ZNF846: variants seen among roughly 807,000 people sequenced by gnomAD.
The protein encoded by ZNF846 is zinc finger protein 846.
Under a neutral mutation model 16.0 loss-of-function variants are expected in ZNF846, and 15 were observed. The observed-to-expected ratio is 0.94, with a 90% CI of 0.63 to 1.45. ZNF846 has a LOEUF of 1.45. Among genes scored for constraint, ZNF846 ranks in the 40% most tolerant of loss-of-function variants. The pLI is 0.00. For synonymous variants in ZNF846, 229 were observed against 212.0 expected (o/e 1.08, Z -0.70); for missense variants, 714 against 622.3 (o/e 1.15, Z -1.57).
rs1169041527 is a variant in ZNF846, at chr19:9,768,282, G to C, written c.-86+7C>G. ...CAGCCAGATCATCTCCTCCGTCCAG[G>C]GCTCACCGGAACGCACTGCAATCGC... On this transcript the variant is annotated splice_region_variant and intron_variant, in intron 1 of 5. Transcript: ENST00000397902. 1 of 152,190 alleles carries C rather than the reference G, an allele frequency of 6.6e-6. No individual in the cohort carries two copies. Among genetic ancestry groups the C allele is most frequent in the Non-Finnish European group, 1.5e-5 (1 of 68,056 alleles). 9.4% of individuals were successfully genotyped at this position (152,190 alleles called of 1,614,324 possible).
exon 6 of ZNF846, chr19:9,758,740 G>A (rs1048827879): frequency 6.3e-7 from 1 of 1,580,944 alleles, no homozygotes; most frequent in Non-Finnish European, 8.6e-7. Context: ...GAGTCATACA[G>A]TTTCTCTGCA....
At chr19:9,766,295 T>C (rs1292270868) in intron 1 of ZNF846, among the ~76,000 whole-genome samples, 1 of 150,578 alleles carries the variant, frequency 6.6e-6, no homozygotes, top group East Asian at 2.0e-4. Context: ...ACACCTGTAA[T>C]CCCAGCTACT....
intron 2 of ZNF846, among the ~76,000 whole-genome samples, chr19:9,763,818 T>C (rs1568324625): frequency 1.3e-5 from 2 of 152,212 alleles, no homozygotes; most frequent in Non-Finnish European, 2.9e-5. Flanking sequence ...CCAACAAGCA[T>C]GATTGAGGAT....
In ZNF846 at chr19:9,759,081, C is replaced by T. The variant is rs10422493; in HGVS notation, c.313-317G>A. 8.6e-3 allele frequency among the ~76,000 whole-genome samples: 1,308 copies of T among 151,892 alleles called. 68 individuals carry two copies. The highest frequency in any genetic ancestry group is 0.031 in the African/African-American group (1,267 of 41,144). ...TGGCACGATCTTGACTCACAGCAAT[C>T]TCTGCCTCCCAGTTCAAGGGATTCT... On this transcript the variant is annotated intron_variant, in intron 5 of 5. Coordinates refer to ENST00000397902, the Ensembl canonical transcript of ZNF846.
In ZNF846 at chr19:9,758,542, A is replaced by T. The variant is rs769570996; in HGVS notation, c.535T>A (p.Phe179Ile). 1.9e-6 allele frequency: 3 copies of T among 1,613,108 alleles called. No homozygotes were observed. In the African/African-American group the frequency reaches 4.0e-5, roughly 22 times the overall value. Residue 179 changes from phenylalanine to isoleucine, a missense_variant, in exon 6 of 6, where the codon TTC becomes ATC. By Grantham distance (21) the Phe-to-Ile change is conservative. Transcript: ENST00000397902. ...CTAGTAAGATTTGGAAACTGGTTGA[A>T]GGCTTTTTCATGTTTAACACACTTA...
chr19:9,782,562 C>T (rs2045512734), intron 1 of ZNF846, among the ~76,000 whole-genome samples: 1 of 152,148 alleles, frequency 6.6e-6, no homozygotes, highest in Admixed American at 6.5e-5. Flanking sequence ...CATGCCCAGC[C>T]AGCTTTCTCT....
chr19:9,767,727 G>T (rs761380104), intron 1 of ZNF846, among the ~76,000 whole-genome samples: 31 of 152,090 alleles, frequency 2.0e-4, no homozygotes, highest in Non-Finnish European at 1.8e-4. Flanking sequence ...ACGAGGTCAG[G>T]AGTTCGAGAC....
Position 9,764,919 on chromosome 19 carries a change from G to T in ZNF846, c.15+17C>A, listed in dbSNP as rs1298556315. On this transcript the variant is annotated intron_variant, in intron 2 of 5. Coordinates refer to ENST00000397902, the Ensembl canonical transcript of ZNF846. Reference sequence around the variant, plus strand: ...TACAAGCATAACATTTTGAAGTTAGGTCTGCTTTCCACTTGCCTGAGAAGA... The same window carrying T: ...TACAAGCATAACATTTTGAAGTTAGTTCTGCTTTCCACTTGCCTGAGAAGA... 20 of 1,613,866 alleles carry T rather than the reference G, an allele frequency of 1.2e-5. No homozygotes were observed. The highest frequency in any genetic ancestry group is 6.7e-5 in the Admixed American group (4 of 59,988).
chr19:9,756,964 G>C (rs1042742077), downstream of ZNF846: 11 of 151,902 alleles, frequency 7.2e-5, no homozygotes, highest in African/African-American at 2.4e-4. Flanking sequence ...GGAAGGCCAA[G>C]GCGGGCAGAT....
At chr19:9,751,219 A>C (rs1446797114), downstream of ZNF846, among the ~76,000 whole-genome samples, 1 of 151,930 alleles carries the variant, frequency 6.6e-6, no homozygotes, top group Non-Finnish European at 1.5e-5. Context: ...ACAAACCCAC[A>C]ATATCACCCC....
chr19:9,765,245 C>A (rs907343479), intron 1 of ZNF846, among the ~76,000 whole-genome samples: 1 of 152,114 alleles, frequency 6.6e-6, no homozygotes. Context: ...TGTGGTGGTG[C>A]ATGCCTGTAA....
chr19:9,752,384 G>A, exon 6 of ZNF846: 1 of 323,988 alleles, frequency 3.1e-6, no homozygotes, highest in Non-Finnish European at 6.4e-6. Flanking sequence ...AAGGTGGGTG[G>A]ATCACCTGAA....
At chr19:9,775,060 C>A in intron 1 of ZNF846, 1 of 1,026,442 alleles carries the variant, frequency 9.7e-7, no homozygotes, top group Non-Finnish European at 1.4e-6. Context: ...ACACGTGCCA[C>A]CGCCTGACAT....
At chr19:9,784,639 A>G (rs1189064180) in intron 1 of ZNF846, among the ~76,000 whole-genome samples, 1 of 152,088 alleles carries the variant, frequency 6.6e-6, no homozygotes, top group Non-Finnish European at 1.5e-5. Flanking sequence ...GCTGGGGGAC[A>G]GTAAGGTCTT....
At position 9,767,703 on chromosome 19, in the gene ZNF846, G is replaced by A. The variant is rs1013234780; in HGVS notation, c.-86+586C>T. 2.0e-5 allele frequency among the ~76,000 whole-genome samples: 3 copies of A among 152,084 alleles called. No individual in the cohort carries two copies. In the East Asian group the frequency reaches 5.8e-4, roughly 29 times the overall value. ...TGTAATTCCAGCACTTTGGGAGTCCGAGGAGGGTGGATCACGAGGTCAGGA... is the reference window on the plus strand; with the variant it reads ...TGTAATTCCAGCACTTTGGGAGTCCAAGGAGGGTGGATCACGAGGTCAGGA... On this transcript the variant is annotated intron_variant, in intron 1 of 5. Coordinates refer to ENST00000397902, the Ensembl canonical transcript of ZNF846.
chr19:9,764,830 C>A, intron 2 of ZNF846, 106 bp downstream of exon 2: 3 of 1,344,210 alleles, frequency 2.2e-6, no homozygotes, highest in Non-Finnish European at 3.2e-6. Flanking sequence ...ATTTCCTGAG[C>A]AGGACCATCA....
At chr19:9,765,033 G>T in exon 2 of ZNF846, 1 of 1,507,006 alleles carries the variant, frequency 6.6e-7, no homozygotes, top group South Asian at 1.1e-5. Flanking sequence ...TGGAAAAAAT[G>T]ACCTTTGGAA....
At chr19:9,759,793 A>G in intron 5 of ZNF846, 67 bp downstream of exon 5, 1 of 1,261,394 alleles carries the variant, frequency 7.9e-7, no homozygotes, top group Non-Finnish European at 1.1e-6. Flanking sequence ...CATTTTCCTC[A>G]TATAATTTTC....
At chr19:9,779,648 G>A (rs530100992) in intron 1 of ZNF846, among the ~76,000 whole-genome samples, 1 of 150,494 alleles carries the variant, frequency 6.6e-6, no homozygotes, top group African/African-American at 2.5e-5. Flanking sequence ...TCAGCTCACT[G>A]CAGCTTCTGC....
Sources: allele counts gnomAD v4.1 joint callset (sites outside exome capture counted in the v4.1 genomes callset), GRCh38; gene constraint gnomAD v4.1.1; transcripts MANE v1.5; gene names NCBI Gene and HGNC (gene_info 2026-07-23, HGNC 2026-07-21).